Variants in GPHA2 observed in about 807,000 individuals in gnomAD.
GPHA2 encodes glycoprotein hormone subunit alpha 2, also known as glycoprotein hormone alpha-2.
Under a neutral mutation model 15.3 loss-of-function variants are expected in GPHA2, and 12 were observed. That is an observed-to-expected ratio of 0.78 (90% CI 0.50 to 1.27). The LOEUF is 1.27. Among genes scored for constraint, GPHA2 ranks in the 50% most tolerant of loss-of-function variants. The pLI, the probability that GPHA2 is intolerant of heterozygous loss-of-function variation, is 0.00. For missense variants in GPHA2, 156 were observed against 169.5 expected (o/e 0.92, Z 0.44); for synonymous variants, 61 against 66.8 (o/e 0.91, Z 0.42).
Position 64,934,833 on chromosome 11 carries a change from C to T in GPHA2, c.330G>A (p.Glu110=), listed in dbSNP as rs564074868. ...AGGCCCTGGCCGTGAAGATCTCGAG[C>T]TCCTCCCTCCGGCTCCCCACACACT... The part of the protein sequence containing the change: ...QLQCVGSRRE[E]LEIFTARACQ... Residue 110 remains glutamate, a synonymous_variant, in exon 4 of 4, where the codon GAG becomes GAA. Coordinates refer to ENST00000279168, the MANE Select transcript of GPHA2 (RefSeq NM_130769.4). 1.3e-6 allele frequency: 2 copies of T among 1,582,186 alleles called. No homozygotes were observed. Among genetic ancestry groups the T allele is most frequent in the African/African-American group, 2.8e-5 (2 of 70,962 alleles).
At chr11:64,935,611 TTGTG>T (rs150478676) in intron 1 of GPHA2, 151 bp from the exon 2 acceptor site, 118 of 559,490 alleles carry the variant, frequency 2.1e-4, no homozygotes, top group Non-Finnish European at 2.6e-4. Context: ...GTATCTGCCT[TTGTG>T]TGTGTGTGTG....
chr11:64,934,712 G>T lies in GPHA2; in HGVS notation c.*61C>A. 1.5e-6 allele frequency: 2 copies of T among 1,364,838 alleles called. 1 individual carries two copies. Among genetic ancestry groups the T allele is most frequent in the South Asian group, 2.3e-5 (2 of 86,214 alleles). 84.5% of individuals were successfully genotyped at this position (1,364,838 alleles called of 1,614,324 possible). A position where few individuals can be genotyped will look rare whatever the true frequency, so the allele number is the denominator to read the frequency against. ...TCCAGTTTTTGAATCTTGAACACAG[G>T]TTTCCCCCACCAGAACGTCAAGCCC... On this transcript the variant is annotated 3_prime_UTR_variant, in exon 4 of 4. Coordinates refer to ENST00000279168, the MANE Select transcript of GPHA2 (RefSeq NM_130769.4).
chr11:64,935,492 G>A (rs113605041), intron 1 of GPHA2, 32 bp from the exon 2 acceptor site: 2 of 1,443,634 alleles, frequency 1.4e-6, no homozygotes, highest in African/African-American at 1.4e-5. Flanking sequence ...TCTCTACGTG[G>A]GTGTGCAGGT....
Position 64,934,827 on chromosome 11 carries a change from C to T in GPHA2, c.336G>A (p.Glu112=). 1 of 1,614,070 alleles carries T rather than the reference C, an allele frequency of 6.2e-7. No homozygotes were observed. Among genetic ancestry groups the T allele is most frequent in the Non-Finnish European group, 8.5e-7 (1 of 1,180,016 alleles). The change falls in exon 4 of 4, where the codon GAG becomes GAA. Residue 112 remains glutamate, a synonymous_variant. Coordinates refer to ENST00000279168, the MANE Select transcript of GPHA2 (RefSeq NM_130769.4). ...QCVGSRREEL[E]IFTARACQCD... is the part of the protein sequence containing the mutation. ...ACTGGCAGGCCCTGGCCGTGAAGAT[C>T]TCGAGCTCCTCCCTCCGGCTCCCCA...
chr11:64,934,851 C>T lies in GPHA2; in HGVS notation c.312G>A (p.Val104=), dbSNP rs1945273171. The part of the protein sequence containing the change: ...LKKVKVQLQC[V]GSRREELEIF... Reference sequence around the variant, plus strand: ...TCTCGAGCTCCTCCCTCCGGCTCCCCACACACTGCAGCTGTACTTTGACCT... The same window carrying T: ...TCTCGAGCTCCTCCCTCCGGCTCCCTACACACTGCAGCTGTACTTTGACCT... Residue 104 remains valine, a synonymous_variant, in exon 4 of 4, where the codon GTG becomes GTA. Transcript: ENST00000279168. 2 of 1,606,496 alleles carry T rather than the reference C, an allele frequency of 1.2e-6. No homozygotes were observed. The highest frequency in any genetic ancestry group is 1.7e-6 in the Non-Finnish European group (2 of 1,176,732).
chr11:64,935,601 G>A, intron 1 of GPHA2, 141 bp from the exon 2 acceptor site: 1 of 605,522 alleles, frequency 1.7e-6, no homozygotes. Context: ...CCTTTTCCCT[G>A]TATCTGCCTT....
intron 1 of GPHA2, 151 bp from the exon 2 acceptor site, chr11:64,935,611 T>G: frequency 1.8e-6 from 1 of 561,270 alleles, no homozygotes; most frequent in East Asian, 2.9e-5. Context: ...GTATCTGCCT[T>G]TGTGTGTGTG....
rs115353637 is a variant in GPHA2 at position 64,934,568 on chromosome 11, C to T, written c.*205G>A. ...GGGCCAGGCAGAGGCAGGGAAGAAG[C>T]AGAAACTCCCCTCTTCTCAGGTGAC... On this transcript the variant is annotated 3_prime_UTR_variant, in exon 4 of 4. Transcript: ENST00000279168. 1,343 of 601,424 alleles carry T rather than the reference C, an allele frequency of 2.2e-3. 10 individuals are homozygous for T. The highest frequency in any genetic ancestry group is 0.021 in the African/African-American group (1,138 of 53,978). 37.3% of individuals were successfully genotyped at this position (601,424 alleles called of 1,614,324 possible). A position where few individuals can be genotyped will look rare whatever the true frequency, so the allele number is the denominator to read the frequency against.
Position 64,934,682 on chromosome 11 carries a change from C to G in GPHA2, c.*91G>C. 1 of 1,015,850 alleles carries G rather than the reference C, an allele frequency of 9.8e-7. No individual in the cohort carries two copies. The highest frequency in any genetic ancestry group is 1.6e-6 in the Non-Finnish European group (1 of 635,894). 62.9% of individuals were successfully genotyped at this position (1,015,850 alleles called of 1,614,324 possible). On this transcript the variant is annotated 3_prime_UTR_variant, in exon 4 of 4. Transcript: ENST00000279168. Reference sequence around the variant, plus strand: ...TAGCAAGTAACCATCAGGGCTGGAGCTCCTTCCAGTTTTTGAATCTTGAAC... The same window carrying G: ...TAGCAAGTAACCATCAGGGCTGGAGGTCCTTCCAGTTTTTGAATCTTGAAC...
At position 64,934,708 on chromosome 11, in the gene GPHA2, A is replaced by G. The variant is rs1945269355; in HGVS notation, c.*65T>C. ...TCCTTCCAGTTTTTGAATCTTGAACACAGGTTTCCCCCACCAGAACGTCAA... is the reference window on the plus strand; with the variant it reads ...TCCTTCCAGTTTTTGAATCTTGAACGCAGGTTTCCCCCACCAGAACGTCAA... On this transcript the variant is annotated 3_prime_UTR_variant, in exon 4 of 4. Coordinates refer to ENST00000279168, the MANE Select transcript of GPHA2 (RefSeq NM_130769.4). 3 of 1,333,672 alleles carry G rather than the reference A, an allele frequency of 2.2e-6. No homozygotes were observed. The highest frequency in any genetic ancestry group is 3.4e-5 in the Admixed American group (2 of 59,564). The allele number at this position is 1,333,672 out of a possible 1,614,324, so 82.6% of individuals were successfully genotyped here. A position where few individuals can be genotyped will look rare whatever the true frequency, so the allele number is the denominator to read the frequency against.
intron 1 of GPHA2, 21 bp from the exon 2 acceptor site, chr11:64,935,481 G>A (rs762563623): frequency 2.0e-6 from 3 of 1,516,220 alleles, no homozygotes; most frequent in Non-Finnish European, 1.8e-6. Context: ...GTGGGGAGAT[G>A]TCTCTACGTG....
chr11:64,934,890 G>A lies in GPHA2; in HGVS notation c.289-16C>T. The A allele has an allele frequency of 6.2e-7, 1 of 1,611,534 alleles. No individual in the cohort carries two copies. The highest frequency in any genetic ancestry group is 8.5e-7 in the Non-Finnish European group (1 of 1,177,724). On this transcript the variant is annotated splice_polypyrimidine_tract_variant and intron_variant, in intron 3 of 3. Transcript: ENST00000279168. Reference sequence around the variant, plus strand: ...GTACTTTGACCTGCGGGAGAGGGGAGTCCGTGCTGCAGTCCCCTTTCTCAG... The same window carrying A: ...GTACTTTGACCTGCGGGAGAGGGGAATCCGTGCTGCAGTCCCCTTTCTCAG...
chr11:64,935,640 T>A, intron 1 of GPHA2, 180 bp from the exon 2 acceptor site: 1 of 516,816 alleles, frequency 1.9e-6, no homozygotes, highest in Non-Finnish European at 3.4e-6. Context: ...TGTATGGGTG[T>A]GAGTGTGAGC....
upstream of GPHA2, among the ~76,000 whole-genome samples, chr11:64,936,319 C>T (rs571435948): frequency 9.9e-5 from 15 of 152,226 alleles, no homozygotes; most frequent in African/African-American, 3.6e-4. Flanking sequence ...GCTCTGTCAC[C>T]TAGGCTGGAG....
rs368384147 is a variant in GPHA2 at position 64,935,147 on chromosome 11, G to A, written c.132C>T (p.Arg44=). The change falls in exon 3 of 4, where the codon CGC becomes CGT. Residue 44 remains arginine (R), a synonymous_variant. Coordinates refer to ENST00000279168, the MANE Select transcript of GPHA2 (RefSeq NM_130769.4). ...HPFNVTVRSD[R]QGTCQGSHVA... is the part of the protein sequence containing the mutation. ...CGTGGGAGCCCTGGCAGGTGCCTTG[G>A]CGGTCACTTCGCACTGTCACATTGA... 3.1e-6 allele frequency: 5 copies of A among 1,613,750 alleles called. No homozygotes were observed. The highest frequency in any genetic ancestry group is 4.2e-6 in the Non-Finnish European group (5 of 1,179,956).
In GPHA2 at chr11:64,934,835, C is replaced by A. The variant is rs1489654278; in HGVS notation, c.328G>T (p.Glu110Ter). The A allele has an allele frequency of 1.3e-6, 2 of 1,595,770 alleles. No homozygotes were observed. Among genetic ancestry groups the A allele is most frequent in the Admixed American group, 3.4e-5 (2 of 58,020 alleles). The change falls in exon 4 of 4, where the codon GAG (glutamate) becomes TAG (stop). Residue 110 changes from glutamate (E) to a stop codon, truncating the protein, a stop_gained. Coordinates refer to ENST00000279168, the MANE Select transcript of GPHA2 (RefSeq NM_130769.4). LOFTEE classifies it high-confidence loss of function. The stretch of plus-strand genomic sequence containing the variant: ...GCCCTGGCCGTGAAGATCTCGAGCT[C>A]CTCCCTCCGGCTCCCCACACACTGC... The part of the protein sequence containing the change: ...QLQCVGSRRE[E>*]LEIFTARACQ...
At chr11:64,936,613 A>T (rs1945296096), upstream of GPHA2, among the ~76,000 whole-genome samples, 1 of 152,096 alleles carries the variant, frequency 6.6e-6, no homozygotes, top group African/African-American at 2.4e-5. Flanking sequence ...CACTAAACTC[A>T]GTCCTGCTTG....
upstream of GPHA2, among the ~76,000 whole-genome samples, chr11:64,936,791 TCC>T (rs1481992684): frequency 6.6e-6 from 1 of 152,080 alleles, no homozygotes; most frequent in Non-Finnish European, 1.5e-5. Context: ...ATGATTCGCA[TCC>T]TGTGCTACAG....
At chr11:64,935,618 T>C (rs571394907) in intron 1 of GPHA2, 158 bp from the exon 2 acceptor site, 16 of 582,504 alleles carry the variant, frequency 2.7e-5, no homozygotes, top group Middle Eastern at 4.4e-4. Context: ...CCTTTGTGTG[T>C]GTGTGTGTGT....
Sources: allele counts gnomAD v4.1 joint callset (sites outside exome capture counted in the v4.1 genomes callset), GRCh38; gene constraint gnomAD v4.1.1; transcripts MANE v1.5; gene names NCBI Gene and HGNC (gene_info 2026-07-23, HGNC 2026-07-21).